Variants in ELAVL4 observed in about 807,000 individuals in gnomAD.
ELAVL4 encodes ELAV-like protein 4.
In ELAVL4, 1 loss-of-function variant was observed where a neutral mutation model predicts 35.6. The observed-to-expected ratio is 0.03, with a 90% confidence interval of 0.01 to 0.13. The LOEUF is 0.13. ELAVL4 is among the 10% of genes least tolerant of loss of function. ELAVL4 has a pLI of 1.00. For missense variants in ELAVL4, 267 were observed against 464.9 expected (o/e 0.57, Z 3.91); for synonymous variants, 156 against 171.0 (o/e 0.91, Z 0.69).
chr1:50,060,973 A>G (rs1227171457), intron 1 of ELAVL4, among the ~76,000 whole-genome samples: 3 of 152,276 alleles, frequency 2.0e-5, no homozygotes, highest in Non-Finnish European at 4.4e-5. Flanking sequence ...TCCAGCACAG[A>G]GTATCTCTAT....
intron 1 of ELAVL4, among the ~76,000 whole-genome samples, chr1:50,110,522 AG>A (rs1322790982): frequency 6.6e-6 from 1 of 152,168 alleles, no homozygotes; most frequent in African/African-American, 2.4e-5. Context: ...AAAAAGAAGC[AG>A]GGAAACTCCT....
intron 1 of ELAVL4, among the ~76,000 whole-genome samples, chr1:50,050,815 T>G (rs1663321779): frequency 6.6e-6 from 1 of 152,204 alleles, no homozygotes; most frequent in African/African-American, 2.4e-5. Flanking sequence ...TGAAAAATCA[T>G]AGTGATTTTG....
Position 50,141,152 on chromosome 1 carries a change from A to G in ELAVL4, c.10-3805A>G, listed in dbSNP as rs1001469380. ...TTCACCACGTGTCTGAAAACGAAAGATGAACCTGACTATCAGGTGACCTTT... is the reference window on the plus strand; with the variant it reads ...TTCACCACGTGTCTGAAAACGAAAGGTGAACCTGACTATCAGGTGACCTTT... On this transcript the variant is annotated intron_variant, in intron 1 of 6. Coordinates refer to ENST00000371824, the MANE Select transcript of ELAVL4 (RefSeq NM_001144774.3). Among the ~76,000 whole-genome samples the G allele has an allele frequency of 5.3e-5, 8 of 152,202 alleles. No homozygotes were observed. The East Asian group carries it at 1.5e-3, about 29-fold the overall frequency.
chr1:50,196,996 A>G (rs1644099646), intron 5 of ELAVL4, among the ~76,000 whole-genome samples: 2 of 152,232 alleles, frequency 1.3e-5, no homozygotes, highest in Admixed American at 1.3e-4. Flanking sequence ...AGCAAGGCTA[A>G]CAGAAAAGAT....
rs533777730 is a variant in ELAVL4 at position 50,115,889 on chromosome 1, T to G, written c.9+6691T>G. The stretch of plus-strand genomic sequence containing the variant: ...TTTTGACAATGATCAGAAGACATAA[T>G]TAATTAGAGGATAAGTCCCTGTGAT... On this transcript the variant is annotated intron_variant, in intron 1 of 6. Coordinates refer to ENST00000371824, the MANE Select transcript of ELAVL4 (RefSeq NM_001144774.3). Among the ~76,000 whole-genome samples the G allele has an allele frequency of 5.4e-4, 82 of 152,264 alleles. No individual in the cohort carries two copies. The South Asian group carries it at 5.4e-3, about 10-fold the overall frequency.
chr1:50,189,631 T>G (rs1682371396), intron 3 of ELAVL4, among the ~76,000 whole-genome samples: 1 of 152,116 alleles, frequency 6.6e-6, no homozygotes, highest in Non-Finnish European at 1.5e-5. Flanking sequence ...TTTGGGGGTT[T>G]TTTTCCGGTG....
At chr1:50,159,050 A>AG (rs1166118283) in intron 2 of ELAVL4, among the ~76,000 whole-genome samples, 6 of 146,384 alleles carry the variant, frequency 4.1e-5, no homozygotes, top group Admixed American at 6.9e-5. Flanking sequence ...AAAAAAAAAA[A>AG]AAAAAAAGAA....
upstream of ELAVL4, among the ~76,000 whole-genome samples, chr1:50,102,296 T>TAATAAAATAA (rs150940225): frequency 0.02 from 2,840 of 139,068 alleles, 63 homozygotes; most frequent in African/African-American, 0.053. Flanking sequence ...AAAAATAAAA[T>TAATAAAATAA]AATAAAATAA....
At chr1:50,133,813 A>G (rs1413708422) in intron 1 of ELAVL4, among the ~76,000 whole-genome samples, 2 of 152,168 alleles carry the variant, frequency 1.3e-5, no homozygotes, top group Non-Finnish European at 2.9e-5. Flanking sequence ...TGAATTGTCC[A>G]TGAGTATAAT....
chr1:50,147,002 G>C (rs769811445), intron 2 of ELAVL4, among the ~76,000 whole-genome samples: 4 of 152,062 alleles, frequency 2.6e-5, no homozygotes, highest in Non-Finnish European at 5.9e-5. Flanking sequence ...TTGAATAGGA[G>C]TGACAGCTTC....
intron 2 of ELAVL4, among the ~76,000 whole-genome samples, chr1:50,172,130 A>G (rs1036964016): frequency 6.6e-6 from 1 of 152,202 alleles, no homozygotes; most frequent in Non-Finnish European, 1.5e-5. Context: ...CAGTGCAGAA[A>G]TGCTGAGGTT....
At chr1:50,057,034 A>G (rs1483124330) in intron 1 of ELAVL4, among the ~76,000 whole-genome samples, 1 of 152,030 alleles carries the variant, frequency 6.6e-6, no homozygotes, top group Non-Finnish European at 1.5e-5. Flanking sequence ...CATTGTTATC[A>G]CGGGAGGTGA....
intron 2 of ELAVL4, among the ~76,000 whole-genome samples, chr1:50,156,441 G>T (rs1170036161): frequency 2.6e-5 from 4 of 152,102 alleles, no homozygotes. Flanking sequence ...TGTTAGCCCT[G>T]GGCCAACAGA....
intron 1 of ELAVL4, among the ~76,000 whole-genome samples, chr1:50,073,912 G>A (rs373895461): frequency 6.6e-6 from 1 of 152,198 alleles, no homozygotes; most frequent in South Asian, 2.1e-4. Context: ...TATACCTTTA[G>A]TTGCCTTCTG....
chr1:50,115,446 A>G lies in ELAVL4; in HGVS notation c.9+6248A>G, dbSNP rs150579656. Among the ~76,000 whole-genome samples, 336 of 152,210 alleles carry G rather than the reference A, an allele frequency of 2.2e-3. 3 individuals are homozygous for G. The highest frequency in any genetic ancestry group is 7.7e-3 in the African/African-American group (320 of 41,546). On this transcript the variant is annotated intron_variant, in intron 1 of 6. Coordinates refer to ENST00000371824, the MANE Select transcript of ELAVL4 (RefSeq NM_001144774.3). ...GGGATTTTTTTAATGAAAAAAATATATATGTCTTAGGTCTCTCCTGAAAAT... is the reference window on the plus strand; with the variant it reads ...GGGATTTTTTTAATGAAAAAAATATGTATGTCTTAGGTCTCTCCTGAAAAT...
upstream of ELAVL4, among the ~76,000 whole-genome samples, chr1:50,108,085 T>C (rs1456818729): frequency 6.6e-6 from 1 of 152,208 alleles, no homozygotes; most frequent in Non-Finnish European, 1.5e-5. Flanking sequence ...GAATGTGTTT[T>C]AGTGGATTTT....
At chr1:50,137,291 C>T (rs1013072754) in intron 1 of ELAVL4, among the ~76,000 whole-genome samples, 1 of 152,090 alleles carries the variant, frequency 6.6e-6, no homozygotes, top group African/African-American at 2.4e-5. Flanking sequence ...CAATGATTCT[C>T]CTCCACTGTG....
chr1:50,071,253 G>T (rs1193172117), intron 1 of ELAVL4, among the ~76,000 whole-genome samples: 1 of 152,014 alleles, frequency 6.6e-6, no homozygotes, highest in Non-Finnish European at 1.5e-5. Context: ...TTTATTACTT[G>T]TTTGTGCTAC....
chr1:50,114,084 A>G (rs1667537113), intron 1 of ELAVL4, among the ~76,000 whole-genome samples: 1 of 152,160 alleles, frequency 6.6e-6, no homozygotes, highest in South Asian at 2.1e-4. Context: ...GCAGTCTGTT[A>G]GTAACCAAAC....
Sources: allele counts gnomAD v4.1 joint callset (sites outside exome capture counted in the v4.1 genomes callset), GRCh38; gene constraint gnomAD v4.1.1; transcripts MANE v1.5; gene names NCBI Gene and HGNC (gene_info 2026-07-23, HGNC 2026-07-21).